The following PFKL variants were observed in gnomAD, a reference collection of about 807,000 sequenced individuals.
PFKL encodes ATP-dependent 6-phosphofructokinase, liver type.
PFKL carries 74 observed loss-of-function variants against 92.1 expected under a neutral mutation model. The observed-to-expected ratio is 0.80, with a 90% CI of 0.67 to 0.97. The LOEUF is 0.97. Ranked by LOEUF, PFKL falls within the 50% of genes least tolerant of loss-of-function variation. The probability of loss-of-function intolerance (pLI) is 0.00; values close to 1 mark genes in which losing one functional copy is unlikely to be tolerated. For synonymous variants in PFKL, 494 were observed against 456.4 expected, an observed-to-expected ratio of 1.08 and a Z score of -1.05; for missense variants, 1,028 against 1,116.6, an observed-to-expected ratio of 0.92 and a Z score of 1.13.
chr21:44,311,287 C>T (rs2047037046), intron 3 of PFKL, among the ~76,000 whole-genome samples: 1 of 151,620 alleles, frequency 6.6e-6, no homozygotes, highest in South Asian at 2.1e-4. Context: ...TGCACGGACA[C>T]ACAGGCGCGC....
chr21:44,302,453 C>T lies in PFKL; in HGVS notation c.85+2263C>T, dbSNP rs1297862297. On this transcript the variant is annotated intron_variant, in intron 1 of 21. Transcript: ENST00000349048. ...TTCATGAGTTCGGAAAAGCAGTCTGCAGGGCTCTCCCAGGCCACCACTGCT... is the reference window on the plus strand; with the variant it reads ...TTCATGAGTTCGGAAAAGCAGTCTGTAGGGCTCTCCCAGGCCACCACTGCT... Among the ~76,000 whole-genome samples the T allele has an allele frequency of 5.9e-5, 9 of 152,284 alleles. 1 individual carries two copies. The South Asian group carries it at 1.9e-3, about 32-fold the overall frequency.
At position 44,310,987 on chromosome 21, in the gene PFKL, GC is replaced by G. The variant is rs761264081; in HGVS notation, c.160-15del. ...CCATGGGGTCCCCTATCTCATGCCT[GC>G]CCCACTCTTGATTTCAGGGCTATGA... is the stretch of plus-strand genomic sequence containing the variant. On this transcript the variant is annotated intron_variant, in intron 2 of 21. Transcript: ENST00000349048. 6.2e-7 allele frequency: 1 copy of G among 1,605,748 alleles called. No homozygotes were observed. Among genetic ancestry groups the G allele is most frequent in the Non-Finnish European group, 8.5e-7 (1 of 1,173,790 alleles).
chr21:44,306,073 C>A (rs1467470109), intron 1 of PFKL: 1 of 707,864 alleles, frequency 1.4e-6, no homozygotes, highest in Admixed American at 3.5e-5. Flanking sequence ...TTCCTCAGTG[C>A]CCAGAGGTGC....
At chr21:44,315,616 G>A (rs1433870765) in intron 7 of PFKL, 1 of 154,028 alleles carries the variant, frequency 6.5e-6, no homozygotes, top group Non-Finnish European at 1.4e-5. Context: ...GTGGACGGCC[G>A]AAAAGCTCTT....
In PFKL at chr21:44,327,030, G is replaced by C. The variant is rs2073436; in HGVS notation, c.*168G>C. 502,530 of 640,060 alleles carry C rather than the reference G, an allele frequency of 0.79. 199,232 individuals are homozygous for C. Among genetic ancestry groups the C allele is most frequent in the South Asian group, 0.87 (45,700 of 52,776 alleles). 39.6% of individuals were successfully genotyped at this position (640,060 alleles called of 1,614,324 possible). ...CCTGGCCACCTGCCAGGCCTCCCTC[G>C]GGCTGGTGTCTTGAGACCAGCCTGC... is the stretch of plus-strand genomic sequence containing the variant. On this transcript the variant is annotated 3_prime_UTR_variant, in exon 22 of 22. Coordinates refer to ENST00000349048, the MANE Select transcript of PFKL (RefSeq NM_002626.6).
Position 44,324,611 on chromosome 21 carries a change from G to A in PFKL, c.1771G>A (p.Ala591Thr), listed in dbSNP as rs754434256. Reference sequence around the variant, plus strand: ...GACTGGCATTGCTGTGGGGGCCGACGCCGCCTACGTCTTCGAGGACCCTTT... The same window carrying A: ...GACTGGCATTGCTGTGGGGGCCGACACCGCCTACGTCTTCGAGGACCCTTT... ...TVTGIAVGADAAYVFEDPFNI... is the reference protein window; with the variant it reads ...TVTGIAVGADTAYVFEDPFNI... Residue 591 changes from alanine (A) to threonine (T), a missense_variant, in exon 17 of 22, where the codon GCC becomes ACC. Ala to Thr is a moderately conservative substitution (Grantham distance 58, BLOSUM62 0). Transcript: ENST00000349048. The A allele has an allele frequency of 3.8e-5, 62 of 1,610,672 alleles. No homozygotes were observed. The highest frequency in any genetic ancestry group is 9.4e-5 in the African/African-American group (7 of 74,846).
chr21:44,325,540 TC>T (rs2047482312), intron 19 of PFKL: 3 of 543,448 alleles, frequency 5.5e-6, no homozygotes, highest in East Asian at 6.2e-5. Context: ...CGCGGCCACT[TC>T]CGCCGAACCC....
At chr21:44,305,422 G>A (rs1467103593) in intron 1 of PFKL, 11 of 1,205,828 alleles carry the variant, frequency 9.1e-6, no homozygotes, top group Non-Finnish European at 1.2e-5. Flanking sequence ...CAGCAGGTCA[G>A]CACCTCCAGC....
chr21:44,303,350 G>T (rs1448182615), intron 1 of PFKL, among the ~76,000 whole-genome samples: 3 of 147,532 alleles, frequency 2.0e-5, no homozygotes, highest in African/African-American at 7.6e-5. Context: ...GGCAGAGGTT[G>T]CAGTGAGCCA....
In PFKL at chr21:44,318,553, G is replaced by T. The variant is rs2047272004; in HGVS notation, c.1020G>T (p.Gly340=). 6.4e-7 allele frequency: 1 copy of T among 1,574,040 alleles called. No homozygotes were observed. Among genetic ancestry groups the T allele is most frequent in the Admixed American group, 1.7e-5 (1 of 57,572 alleles). The part of the protein sequence containing the change: ...DTPACVVTLS[G]NQSVRLPLME... ...CGGCCTGCGTGGTCACCCTCTCGGG[G>T]AACCAGTCAGTGCGGCTGCCCCTCA... Residue 340 remains glycine, a synonymous_variant, in exon 10 of 22, where the codon GGG becomes GGT. Coordinates refer to ENST00000349048, the MANE Select transcript of PFKL (RefSeq NM_002626.6).
At chr21:44,322,814 G>A in intron 14 of PFKL, 148 bp from the exon 15 acceptor site, 1 of 548,232 alleles carries the variant, frequency 1.8e-6, no homozygotes, top group Non-Finnish European at 3.3e-6. Flanking sequence ...CCCTCTCCGT[G>A]TGGAGCCACA....
intron 9 of PFKL, among the ~76,000 whole-genome samples, chr21:44,317,451 C>T (rs2047238332): frequency 6.6e-6 from 1 of 152,200 alleles, no homozygotes; most frequent in Non-Finnish European, 1.5e-5. Context: ...TCTGAAGAGC[C>T]TCTTGAGGGG....
rs140180860 is a variant in PFKL, at chr21:44,304,696, G to C, written c.86-1985G>C. 7.7e-3 allele frequency among the ~76,000 whole-genome samples: 1,043 copies of C among 135,444 alleles called. 23 individuals carry two copies. Among genetic ancestry groups the C allele is most frequent in the African/African-American group, 0.028 (992 of 36,004 alleles). 88.9% of individuals were successfully genotyped at this position (135,444 alleles called of 152,430 possible). ...TGGGGTGGCTCAGCTGTCTGGGGGG[G>C]GCTCGGCTGTCTGTCTCGGGGGGCT... On this transcript the variant is annotated intron_variant, in intron 1 of 21. Transcript: ENST00000349048.
At chr21:44,323,689 G>A (rs1425266479) in intron 15 of PFKL, 77 bp from the exon 16 acceptor site, 23 of 1,478,444 alleles carry the variant, frequency 1.6e-5, no homozygotes, top group Admixed American at 2.0e-5. Context: ...AGGGCTGGGC[G>A]GCCGCCGGCA....
Position 44,318,614 on chromosome 21 carries a change from C to G in PFKL, c.1062+19C>G, listed in dbSNP as rs376218883. 1.7e-5 allele frequency: 25 copies of G among 1,452,600 alleles called. No individual in the cohort carries two copies. Among genetic ancestry groups the G allele is most frequent in the African/African-American group, 2.9e-5 (2 of 69,610 alleles). 90.0% of individuals were successfully genotyped at this position (1,452,600 alleles called of 1,614,324 possible). On this transcript the variant is annotated intron_variant, in intron 10 of 21. Transcript: ENST00000349048. ...GCAGATGGTAAGCCCTGGGCCCCCCCCATCAGAACCGCCTGGCCCCTCTCC... is the reference window on the plus strand; with the variant it reads ...GCAGATGGTAAGCCCTGGGCCCCCCGCATCAGAACCGCCTGGCCCCTCTCC...
At chr21:44,322,040 C>G in intron 13 of PFKL, 93 bp from the exon 14 acceptor site, 1 of 1,482,044 alleles carries the variant, frequency 6.7e-7, no homozygotes. Flanking sequence ...GCGTGATGCC[C>G]AACACTGGCT....
rs1602019535 is a variant in PFKL at position 44,313,080 on chromosome 21, G to C, written c.530G>C (p.Gly177Ala). 1 of 1,613,004 alleles carries C rather than the reference G, an allele frequency of 6.2e-7. No homozygotes were observed. The highest frequency in any genetic ancestry group is 8.5e-7 in the Non-Finnish European group (1 of 1,179,944). Residue 177 changes from glycine (G) to alanine (A), a missense_variant, in exon 5 of 22, where the codon GGC (glycine) becomes GCC (alanine). Coordinates refer to ENST00000349048, the MANE Select transcript of PFKL (RefSeq NM_002626.6). ...TTCTGCGGCACCGACATGACCATCG[G>C]CACGGACTCGGCCCTCCACCGCATC... ...NDFCGTDMTI[G>A]TDSALHRIME...
chr21:44,325,008 C>A, intron 18 of PFKL, 91 bp downstream of exon 18: 3 of 1,312,558 alleles, frequency 2.3e-6, no homozygotes, highest in African/African-American at 1.5e-5. Context: ...CAGGAGAAGG[C>A]AGGAGGGGTC....
chr21:44,305,174 T>TGC, intron 1 of PFKL: 5 of 1,139,624 alleles, frequency 4.4e-6, no homozygotes, highest in Non-Finnish European at 4.6e-6. Context: ...TGGGATCTCA[T>TGC]TGGATTCCTG....
Sources: gnomAD v4.1 joint callset for allele counts (sites outside exome capture counted in the v4.1 genomes callset) on GRCh38, gnomAD v4.1.1 for gene constraint, MANE v1.5 for transcripts, NCBI Gene and HGNC (gene_info 2026-07-23, HGNC 2026-07-21) for gene names.